EML4: variants seen among roughly 807,000 people sequenced by gnomAD.
EML4 encodes the protein EMAP like 4, also known as echinoderm microtubule-associated protein-like 4.
Under a neutral mutation model 129.0 loss-of-function variants are expected in EML4, and 72 were observed. The ratio of observed to expected loss-of-function variants is 0.56; its 90% CI spans 0.46 to 0.68. The LOEUF is 0.68. EML4 is among the 30% of genes least tolerant of loss of function. EML4 has a pLI of 0.00. For synonymous variants in EML4, 532 were observed against 405.0 expected (o/e 1.31, Z -3.77); for missense variants, 1,363 against 1,190.6 (o/e 1.14, Z -2.13).
intron 17 of EML4, among the ~76,000 whole-genome samples, chr2:42,311,361 G>A (rs1011353970): frequency 5.9e-5 from 9 of 152,180 alleles, no homozygotes; most frequent in African/African-American, 2.2e-4. Context: ...TAGCCTCGGA[G>A]TTCGAGACCA....
intron 19 of EML4, 172 bp from the exon 20 acceptor site, chr2:42,325,295 C>G: frequency 1.6e-6 from 1 of 634,470 alleles, no homozygotes; most frequent in Non-Finnish European, 3.0e-6. Context: ...TCCCAGGTTT[C>G]AAGTGCTGAG....
chr2:42,256,578 A>G lies in EML4; in HGVS notation c.286A>G (p.Thr96Ala), dbSNP rs772640900. ...GSGANRKPSH[T>A]SAVSIAGKET... ...TGGTGCAAACAGAAAACCAAGTCAT[A>G]CCAGTGCTGTCTCAATTGCAGGAAA... Residue 96 changes from threonine to alanine, a missense_variant, in exon 3 of 23, where the codon ACC becomes GCC. Physicochemically the swap from Thr to Ala is moderately conservative, Grantham distance 58 (BLOSUM62 0). Coordinates refer to ENST00000318522, the MANE Select transcript of EML4 (RefSeq NM_019063.5). 8.7e-6 allele frequency: 14 copies of G among 1,614,010 alleles called. No homozygotes were observed. In the South Asian group the frequency reaches 1.5e-4, roughly 18 times the overall value.
chr2:42,291,632 C>G (rs1389774732), intron 11 of EML4, among the ~76,000 whole-genome samples: 1 of 152,078 alleles, frequency 6.6e-6, no homozygotes, highest in African/African-American at 2.4e-5. Context: ...TCTCAAACTC[C>G]TGATCTCAAG....
Position 42,206,353 on chromosome 2 carries a change from A to G in EML4, c.25+36717A>G, listed in dbSNP as rs568071752. Among the ~76,000 whole-genome samples the G allele has an allele frequency of 2.2e-4, 33 of 152,278 alleles. No homozygotes were observed. In the South Asian group the frequency reaches 5.8e-3, roughly 27 times the overall value. On this transcript the variant is annotated intron_variant, in intron 1 of 22. Transcript: ENST00000318522. ...CTCAGCCTCCTAAGTAGCTGGGCCT[A>G]TAAGTGTACTCCACTGTATCCAGCT...
intron 1 of EML4, among the ~76,000 whole-genome samples, chr2:42,192,122 CAA>C (rs34611381): frequency 2.9e-5 from 4 of 138,348 alleles, no homozygotes; most frequent in African/African-American, 2.7e-5. Flanking sequence ...GAAACTGTCT[CAA>C]AAAAAAAAAA....
At chr2:42,283,791 A>G (rs1667143165) in intron 8 of EML4, among the ~76,000 whole-genome samples, 1 of 152,172 alleles carries the variant, frequency 6.6e-6, no homozygotes, top group South Asian at 2.1e-4. Context: ...CAGCCTAAGT[A>G]TTTTTCAGTT....
At chr2:42,193,141 C>T (rs1671698908) in intron 1 of EML4, among the ~76,000 whole-genome samples, 1 of 152,204 alleles carries the variant, frequency 6.6e-6, no homozygotes, top group South Asian at 2.1e-4. Flanking sequence ...CTTTTCTGTG[C>T]TTACATACCA....
intron 17 of EML4, among the ~76,000 whole-genome samples, chr2:42,314,551 GTCCTGTTTTT>G (rs1403165941): frequency 1.3e-5 from 2 of 152,144 alleles, no homozygotes. Context: ...TTCTAGTCTT[GTCCTGTTTTT>G]TCCATCCCAT....
chr2:42,181,887 C>T (rs548485713), intron 1 of EML4, among the ~76,000 whole-genome samples: 1 of 152,152 alleles, frequency 6.6e-6, no homozygotes, highest in Non-Finnish European at 1.5e-5. Context: ...GTGTTCAGTG[C>T]TGCTGGAGTC....
intron 6 of EML4, among the ~76,000 whole-genome samples, chr2:42,278,282 A>G (rs539532187): frequency 6.6e-6 from 1 of 152,130 alleles, no homozygotes; most frequent in Non-Finnish European, 1.5e-5. Flanking sequence ...AGGACTAAGA[A>G]ACAATTGCGG....
chr2:42,249,961 G>T (rs1675657980), intron 2 of EML4, among the ~76,000 whole-genome samples: 1 of 152,166 alleles, frequency 6.6e-6, no homozygotes, highest in Non-Finnish European at 1.5e-5. Context: ...GAGCAAAAGG[G>T]AAGGCCCAGA....
intron 11 of EML4, 129 bp downstream of exon 11, chr2:42,288,451 C>G (rs1558577837): frequency 1.3e-5 from 6 of 456,960 alleles, no homozygotes; most frequent in Non-Finnish European, 1.6e-5. Flanking sequence ...CCAAATTCAG[C>G]AAATTTAGTG....
chr2:42,197,816 C>T (rs1249619627), intron 1 of EML4, among the ~76,000 whole-genome samples: 1 of 152,146 alleles, frequency 6.6e-6, no homozygotes, highest in Non-Finnish European at 1.5e-5. Flanking sequence ...TTGGAAATAA[C>T]TCCAGATGTG....
At chr2:42,203,764 G>A (rs896809949) in intron 1 of EML4, among the ~76,000 whole-genome samples, 1 of 151,236 alleles carries the variant, frequency 6.6e-6, no homozygotes, top group Admixed American at 6.6e-5. Context: ...TATGCCACAT[G>A]TATAGGCACA....
chr2:42,197,670 T>C (rs1671974745), intron 1 of EML4, among the ~76,000 whole-genome samples: 1 of 152,208 alleles, frequency 6.6e-6, no homozygotes, highest in South Asian at 2.1e-4. Flanking sequence ...GTGAATATTT[T>C]ATCTTAAAAA....
intron 1 of EML4, among the ~76,000 whole-genome samples, chr2:42,218,712 A>G (rs1380492589): frequency 2.0e-5 from 3 of 152,220 alleles, no homozygotes; most frequent in African/African-American, 4.8e-5. Flanking sequence ...ATTCCATACT[A>G]AAGTACAAGA....
chr2:42,310,367 CAG>C (rs1378193184), intron 17 of EML4, among the ~76,000 whole-genome samples: 2 of 151,480 alleles, frequency 1.3e-5, no homozygotes, highest in African/African-American at 4.9e-5. Context: ...TTCCCTTTTG[CAG>C]AGTCTTGCTC....
chr2:42,215,220 T>G (rs916343510), intron 1 of EML4, among the ~76,000 whole-genome samples: 10 of 152,116 alleles, frequency 6.6e-5, no homozygotes, highest in African/African-American at 1.9e-4. Flanking sequence ...CCACCACGCC[T>G]GGCTAACTTT....
chr2:42,323,416 C>T (rs568471127), intron 19 of EML4, among the ~76,000 whole-genome samples: 38 of 152,120 alleles, frequency 2.5e-4, no homozygotes, highest in Admixed American at 5.9e-4. Context: ...TCCAATATAC[C>T]GCTTAATTCT....
Sources: gnomAD v4.1 joint callset for allele counts (sites outside exome capture counted in the v4.1 genomes callset) on GRCh38, gnomAD v4.1.1 for gene constraint, MANE v1.5 for transcripts, NCBI Gene and HGNC (gene_info 2026-07-23, HGNC 2026-07-21) for gene names.